Variants in UNC13C observed in about 807,000 individuals in gnomAD.
UNC13C encodes the protein protein unc-13 homolog C.
A neutral mutation model predicts 245.4 loss-of-function variants in UNC13C; 174 were observed. The observed-to-expected ratio is 0.71, with a 90% CI of 0.63 to 0.80. The LOEUF is 0.80. Among genes scored for constraint, UNC13C ranks in the 30% least tolerant of loss-of-function variants. The probability of loss-of-function intolerance (pLI) is 0.00; values close to 1 mark genes in which losing one functional copy is unlikely to be tolerated. For synonymous variants in UNC13C, 992 were observed against 895.1 expected, an observed-to-expected ratio of 1.11 and a Z score of -1.93; for missense variants, 2,829 against 2,602.9, an observed-to-expected ratio of 1.09 and a Z score of -1.89.
intron 32 of UNC13C, 120 bp from the exon 33 acceptor site, chr15:54,626,708 C>T (rs1473175982): frequency 1.1e-6 from 1 of 900,830 alleles, no homozygotes; most frequent in Middle Eastern, 2.3e-4. Context: ...CACTGATATC[C>T]TATTTGCCAA....
At chr15:54,108,430 G>T (rs987608337) in intron 2 of UNC13C, among the ~76,000 whole-genome samples, 1 of 152,040 alleles carries the variant, frequency 6.6e-6, no homozygotes. Context: ...CTCATGATCC[G>T]CCCGCTTTGG....
chr15:53,998,576 A>AT (rs1894741034), intron 1 of UNC13C, among the ~76,000 whole-genome samples: 1 of 152,006 alleles, frequency 6.6e-6, no homozygotes, highest in Non-Finnish European at 1.5e-5. Flanking sequence ...ATGCAATTTA[A>AT]TTTTTTTCCT....
chr15:54,381,865 A>G (rs2039732153), intron 17 of UNC13C, among the ~76,000 whole-genome samples: 1 of 152,180 alleles, frequency 6.6e-6, no homozygotes, highest in African/African-American at 2.4e-5. Context: ...GAAAATCAAC[A>G]GAGACATTGG....
chr15:54,211,651 C>G (rs1240616545), intron 4 of UNC13C, among the ~76,000 whole-genome samples: 1 of 152,068 alleles, frequency 6.6e-6, no homozygotes, highest in Non-Finnish European at 1.5e-5. Context: ...ACCAAAAGTT[C>G]ACTCCCCAAC....
intron 8 of UNC13C, among the ~76,000 whole-genome samples, chr15:54,252,105 C>A (rs893230226): frequency 1.3e-5 from 2 of 152,010 alleles, no homozygotes; most frequent in African/African-American, 4.8e-5. Flanking sequence ...AAGTGAATTG[C>A]GTATAGGCAT....
chr15:53,894,275 G>C, the UNC13C span, among the ~76,000 whole-genome samples: 1 of 152,316 alleles, frequency 6.6e-6, no homozygotes. Context: ...GACTGGAGCT[G>C]TTCCTATTTG....
chr15:54,000,332 A>G (rs759366774), intron 1 of UNC13C, among the ~76,000 whole-genome samples: 6 of 152,164 alleles, frequency 3.9e-5, no homozygotes, highest in African/African-American at 1.4e-4. Flanking sequence ...ACTTTGATCT[A>G]CTGAAGATAA....
chr15:54,465,078 A>C (rs1338395964), intron 19 of UNC13C, among the ~76,000 whole-genome samples: 1 of 152,042 alleles, frequency 6.6e-6, no homozygotes, highest in Non-Finnish European at 1.5e-5. Flanking sequence ...ATATATATTG[A>C]AGCTATTGTT....
chr15:54,587,229 T>A (rs1308465066), intron 30 of UNC13C, among the ~76,000 whole-genome samples: 1 of 152,056 alleles, frequency 6.6e-6, no homozygotes, highest in East Asian at 1.9e-4. Flanking sequence ...CAACTTAGAT[T>A]TCAATTTCAA....
chr15:54,009,942 C>A (rs1895309545), intron 1 of UNC13C, among the ~76,000 whole-genome samples: 1 of 152,156 alleles, frequency 6.6e-6, no homozygotes, highest in African/African-American at 2.4e-5. Context: ...TCTTAAATTT[C>A]AAAACTGTCT....
chr15:54,170,751 T>C (rs1303462406), intron 4 of UNC13C, among the ~76,000 whole-genome samples: 2 of 152,112 alleles, frequency 1.3e-5, no homozygotes, highest in Non-Finnish European at 2.9e-5. Flanking sequence ...GTGCCACAGG[T>C]GATTCCTTTT....
At position 54,238,076 on chromosome 15, in the gene UNC13C, G is replaced by GTTTTTTTT. The variant is rs10645906; in HGVS notation, c.3228+397_3228+404dup. Among the ~76,000 whole-genome samples the GTTTTTTTT allele has an allele frequency of 9.0e-4, 104 of 115,834 alleles. 2 individuals are homozygous for GTTTTTTTT. The highest frequency in any genetic ancestry group is 3.4e-3 in the African/African-American group (95 of 28,198). The allele number at this position is 115,834 out of a possible 152,430, so 76.0% of individuals were successfully genotyped here. ...AATTTCCTCCTCAGGACTTTTATAGGTTTTTTTTTTTTTTTTTTGAGACAG... is the reference window on the plus strand; with the variant it reads ...AATTTCCTCCTCAGGACTTTTATAGGTTTTTTTTTTTTTTTTTTTTTTTTTTGAGACAG... On this transcript the variant is annotated intron_variant, in intron 7 of 32. Coordinates refer to ENST00000260323, the MANE Select transcript of UNC13C (RefSeq NM_001080534.3).
At chr15:54,143,484 G>A in intron 3 of UNC13C, 136 bp from the exon 4 acceptor site, 1 of 631,642 alleles carries the variant, frequency 1.6e-6, no homozygotes, top group South Asian at 2.1e-5. Context: ...TTGACTTGGA[G>A]CTGACCCTGC....
At chr15:54,084,299 C>T (rs752261531) in intron 2 of UNC13C, among the ~76,000 whole-genome samples, 2 of 152,174 alleles carry the variant, frequency 1.3e-5, no homozygotes, top group African/African-American at 2.4e-5. Context: ...TTAAGTTCCT[C>T]GTGTATAACG....
intron 4 of UNC13C, among the ~76,000 whole-genome samples, chr15:54,174,412 T>A (rs1434061954): frequency 6.6e-6 from 1 of 152,192 alleles, no homozygotes; most frequent in African/African-American, 2.4e-5. Flanking sequence ...CATTTATTTG[T>A]GGAGAGATTT....
chr15:54,195,485 C>T (rs1372006364), intron 4 of UNC13C, among the ~76,000 whole-genome samples: 1 of 152,102 alleles, frequency 6.6e-6, no homozygotes, highest in Non-Finnish European at 1.5e-5. Flanking sequence ...CAACCCTGTA[C>T]TGTTTGGATA....
chr15:54,161,631 A>C (rs1032923575), intron 4 of UNC13C, among the ~76,000 whole-genome samples: 11 of 152,050 alleles, frequency 7.2e-5, no homozygotes, highest in African/African-American at 2.7e-4. Flanking sequence ...AGATACAGTA[A>C]GCCTTTTGTC....
At chr15:54,171,438 A>G (rs2033394440) in intron 4 of UNC13C, among the ~76,000 whole-genome samples, 1 of 152,128 alleles carries the variant, frequency 6.6e-6, no homozygotes, top group Non-Finnish European at 1.5e-5. Context: ...AAAAAATGGG[A>G]AAAATATCTG....
intron 14 of UNC13C, among the ~76,000 whole-genome samples, chr15:54,330,907 T>A (rs770988810): frequency 1.8e-4 from 28 of 152,060 alleles, no homozygotes; most frequent in Non-Finnish European, 3.8e-4. Flanking sequence ...CTTTATTGCC[T>A]CCACAGAGGT....
Sources: gnomAD v4.1 joint callset for allele counts (sites outside exome capture counted in the v4.1 genomes callset) on GRCh38, gnomAD v4.1.1 for gene constraint, MANE v1.5 for transcripts, NCBI Gene and HGNC (gene_info 2026-07-23, HGNC 2026-07-21) for gene names.